The following SGCZ variants were observed in gnomAD, a reference collection of about 807,000 sequenced individuals.
SGCZ encodes zeta-sarcoglycan.
Under a neutral mutation model 41.3 loss-of-function variants are expected in SGCZ, and 40 were observed. The ratio of observed to expected loss-of-function variants is 0.97; its 90% confidence interval spans 0.75 to 1.26. The LOEUF (loss-of-function observed/expected upper bound fraction) is 1.26. Ranked by LOEUF, SGCZ falls within the 50% of genes most tolerant of loss-of-function variation. SGCZ has a pLI of 0.00. For synonymous variants in SGCZ, 206 were observed against 137.5 expected (o/e 1.50, Z -3.49); for missense variants, 552 against 369.8 (o/e 1.49, Z -4.04).
chr8:15,083,454 G>A (rs1156722831), intron 1 of SGCZ, among the ~76,000 whole-genome samples: 1 of 151,924 alleles, frequency 6.6e-6, no homozygotes, highest in Non-Finnish European at 1.5e-5. Flanking sequence ...CTCCTAAAAT[G>A]GCCTCTATAA....
chr8:14,785,713 T>C (rs941607744), intron 1 of SGCZ, among the ~76,000 whole-genome samples: 2 of 152,242 alleles, frequency 1.3e-5, no homozygotes, highest in Non-Finnish European at 2.9e-5. Flanking sequence ...TATTTTCTGA[T>C]ACGTCCACTT....
At chr8:14,657,019 TA>T (rs371013019) in intron 1 of SGCZ, among the ~76,000 whole-genome samples, 3,164 of 151,880 alleles carry the variant, frequency 0.021, 57 homozygotes, top group South Asian at 0.081. Context: ...GTTCAAAACT[TA>T]AAAAAAATAT....
At chr8:14,441,675 C>G (rs750408295) in intron 2 of SGCZ, among the ~76,000 whole-genome samples, 8 of 152,202 alleles carry the variant, frequency 5.3e-5, no homozygotes, top group Non-Finnish European at 1.0e-4. Flanking sequence ...AAGGGTTTGG[C>G]TTTGTACGCA....
chr8:14,634,528 T>C (rs1478634519), intron 1 of SGCZ, among the ~76,000 whole-genome samples: 1 of 151,880 alleles, frequency 6.6e-6, no homozygotes, highest in Non-Finnish European at 1.5e-5. Context: ...TTTATGATAT[T>C]AGTGGAAGCC....
chr8:14,806,033 G>A (rs968909655), intron 1 of SGCZ, among the ~76,000 whole-genome samples: 6 of 151,516 alleles, frequency 4.0e-5, no homozygotes, highest in Non-Finnish European at 5.9e-5. Context: ...TGAAACCAAC[G>A]AGAACAAAGA....
chr8:15,011,808 T>C (rs904583897), intron 1 of SGCZ, among the ~76,000 whole-genome samples: 2 of 152,218 alleles, frequency 1.3e-5, no homozygotes, highest in African/African-American at 4.8e-5. Flanking sequence ...ATATCCATTG[T>C]ACATAAAATT....
At chr8:14,975,284 C>A (rs1248045535) in intron 1 of SGCZ, among the ~76,000 whole-genome samples, 3 of 152,036 alleles carry the variant, frequency 2.0e-5, no homozygotes, top group Non-Finnish European at 4.4e-5. Context: ...CCAGCCTGGG[C>A]GACAGAGCAA....
At chr8:14,266,109 C>CCGAGGA (rs902807110) in intron 3 of SGCZ, among the ~76,000 whole-genome samples, 5 of 152,030 alleles carry the variant, frequency 3.3e-5, no homozygotes, top group African/African-American at 1.2e-4. Context: ...ATATGATTAT[C>CCGAGGA]CGAGGACATA....
At chr8:15,193,849 T>A (rs909374946) in intron 1 of SGCZ, among the ~76,000 whole-genome samples, 1 of 152,176 alleles carries the variant, frequency 6.6e-6, no homozygotes, top group African/African-American at 2.4e-5. Context: ...GTTCTACTTA[T>A]TTTTTACATT....
Position 14,551,679 on chromosome 8 carries a change from G to A in SGCZ, c.234+3053C>T, listed in dbSNP as rs1346813333. Among the ~76,000 whole-genome samples, 7 of 71,068 alleles carry A rather than the reference G, an allele frequency of 9.8e-5. No homozygotes were observed. The Admixed American group carries it at 1.2e-3, about 12-fold the overall frequency. The allele number at this position is 71,068 out of a possible 152,430, so 46.6% of individuals were successfully genotyped here. Reference sequence around the variant, plus strand: ...TATGAAAGTATGTATGTATGTATCTGCTCTCATAGCCAGGAAATTATTTAT... The same window carrying A: ...TATGAAAGTATGTATGTATGTATCTACTCTCATAGCCAGGAAATTATTTAT... On this transcript the variant is annotated intron_variant, in intron 2 of 7. Transcript: ENST00000382080.
At chr8:14,637,218 G>C (rs568868726) in intron 1 of SGCZ, among the ~76,000 whole-genome samples, 3 of 151,722 alleles carry the variant, frequency 2.0e-5, no homozygotes, top group Admixed American at 6.6e-5. Context: ...TATTCAGTCT[G>C]TTTTCTAGAC....
intron 4 of SGCZ, among the ~76,000 whole-genome samples, chr8:14,193,919 T>A (rs980026076): frequency 6.6e-6 from 1 of 151,832 alleles, no homozygotes; most frequent in Admixed American, 6.6e-5. Flanking sequence ...TTGATTAATA[T>A]ACTATGTTAA....
intron 3 of SGCZ, among the ~76,000 whole-genome samples, chr8:14,301,209 G>A (rs919901295): frequency 1.3e-5 from 2 of 151,802 alleles, no homozygotes; most frequent in Admixed American, 1.3e-4. Flanking sequence ...TGAGATTTAC[G>A]TATCTGATTC....
chr8:15,187,956 G>A (rs951052217), intron 1 of SGCZ, among the ~76,000 whole-genome samples: 1 of 151,758 alleles, frequency 6.6e-6, no homozygotes, highest in Admixed American at 6.6e-5. Flanking sequence ...TGAGTAGGGG[G>A]GTGTATGATA....
chr8:15,188,505 G>C (rs924457065), intron 1 of SGCZ, among the ~76,000 whole-genome samples: 1 of 152,116 alleles, frequency 6.6e-6, no homozygotes, highest in Non-Finnish European at 1.5e-5. Flanking sequence ...GTCATGAAAT[G>C]TGTTGAGATT....
intron 4 of SGCZ, among the ~76,000 whole-genome samples, chr8:14,187,300 A>T (rs1342324848): frequency 6.6e-6 from 1 of 152,250 alleles, no homozygotes; most frequent in Non-Finnish European, 1.5e-5. Flanking sequence ...CAACAAAATT[A>T]TGAGATAAAT....
At chr8:14,551,482 ATATATAT>A (rs1803821444) in intron 2 of SGCZ, among the ~76,000 whole-genome samples, 10 of 2,058 alleles carry the variant, frequency 4.9e-3, no homozygotes, top group African/African-American at 6.8e-3. Context: ...ATTATATATT[ATATATAT>A]TATATATATT....
At chr8:14,426,756 T>A (rs1799793590) in intron 2 of SGCZ, among the ~76,000 whole-genome samples, 1 of 152,036 alleles carries the variant, frequency 6.6e-6, no homozygotes, top group African/African-American at 2.4e-5. Context: ...ATAAAAAGTG[T>A]ATGCTGAGAA....
intron 1 of SGCZ, among the ~76,000 whole-genome samples, chr8:14,567,116 C>A (rs1339739003): frequency 6.6e-6 from 1 of 152,208 alleles, no homozygotes; most frequent in Non-Finnish European, 1.5e-5. Flanking sequence ...CATGCCTGAG[C>A]CTCCCTCTTC....
Sources: gnomAD v4.1 joint callset for allele counts (sites outside exome capture counted in the v4.1 genomes callset) on GRCh38, gnomAD v4.1.1 for gene constraint, MANE v1.5 for transcripts, NCBI Gene and HGNC (gene_info 2026-07-23, HGNC 2026-07-21) for gene names.